Variants in NEDD9 observed in about 807,000 individuals in gnomAD.
NEDD9 encodes the protein enhancer of filamentation 1.
A neutral mutation model predicts 76.6 loss-of-function variants in NEDD9; 26 were observed. The ratio of observed to expected loss-of-function variants is 0.34; its 90% CI spans 0.25 to 0.47. The LOEUF is 0.47. NEDD9 is among the 20% of genes least tolerant of loss of function. The pLI is 1.00. For synonymous variants in NEDD9, 392 were observed against 414.2 expected (o/e 0.95, Z 0.65); for missense variants, 937 against 1,058.5 (o/e 0.89, Z 1.59).
chr6:11,230,662 A>C (rs1759442268), intron 1 of NEDD9, among the ~76,000 whole-genome samples: 2 of 152,236 alleles, frequency 1.3e-5, no homozygotes, highest in African/African-American at 4.8e-5. Context: ...CATAGGGCAT[A>C]AGTCATGTGT....
At chr6:11,203,591 C>A (rs2113740787) in intron 2 of NEDD9, among the ~76,000 whole-genome samples, 1 of 152,336 alleles carries the variant, frequency 6.6e-6, no homozygotes, top group South Asian at 2.1e-4. Flanking sequence ...CCAGAGACAA[C>A]AGGCCTAAAA....
rs115971752 is a variant in NEDD9, at chr6:11,353,762, A to G, written c.-213-19201T>C. On this transcript the variant is annotated intron_variant, in intron 1 of 3. Coordinates refer to the NEDD9 transcript ENST00000397378. ...ACCTGGTGACTCAAATTAGAGATGT[A>G]TTACATGATTATATAGAAATTGAAA... is the stretch of plus-strand genomic sequence containing the variant. Among the ~76,000 whole-genome samples, 1,313 of 152,362 alleles carry G rather than the reference A, an allele frequency of 8.6e-3. 7 individuals are homozygous for G. The highest frequency in any genetic ancestry group is 0.016 in the Non-Finnish European group (1,057 of 68,036).
chr6:11,197,102 G>T (rs1332211405), intron 2 of NEDD9, among the ~76,000 whole-genome samples: 1 of 152,098 alleles, frequency 6.6e-6, no homozygotes, highest in African/African-American at 2.4e-5. Context: ...GCACACCAAG[G>T]TCTGGTTAAG....
intron 3 of NEDD9, among the ~76,000 whole-genome samples, chr6:11,294,006 A>T (rs1033648961): frequency 6.6e-6 from 1 of 150,954 alleles, no homozygotes; most frequent in Non-Finnish European, 1.5e-5. Flanking sequence ...CCATTGTGTA[A>T]GTGTGTGTGT....
intron 2 of NEDD9, among the ~76,000 whole-genome samples, chr6:11,203,673 T>G (rs1570374): frequency 0.32 from 49,146 of 152,046 alleles, 8,194 homozygotes; most frequent in Middle Eastern, 0.48. Flanking sequence ...ATGAAGTGCT[T>G]TCTTAGCTCT....
At chr6:11,286,259 A>G (rs1216633091) in intron 3 of NEDD9, among the ~76,000 whole-genome samples, 3 of 152,228 alleles carry the variant, frequency 2.0e-5, no homozygotes, top group African/African-American at 7.2e-5. Flanking sequence ...ATCATTAGTC[A>G]TTAGAGAAAT....
intron 2 of NEDD9, among the ~76,000 whole-genome samples, chr6:11,330,869 C>T (rs977478507): frequency 6.6e-6 from 1 of 152,176 alleles, no homozygotes; most frequent in Non-Finnish European, 1.5e-5. Flanking sequence ...CAAGTAAGCA[C>T]CTTGTTGTTA....
chr6:11,336,859 C>T (rs1257802281), intron 1 of NEDD9, among the ~76,000 whole-genome samples: 1 of 152,184 alleles, frequency 6.6e-6, no homozygotes, highest in Non-Finnish European at 1.5e-5. Flanking sequence ...TGCTGTCTTC[C>T]ACCTCCACAT....
chr6:11,340,478 T>C (rs1762250293), intron 1 of NEDD9, among the ~76,000 whole-genome samples: 1 of 152,206 alleles, frequency 6.6e-6, no homozygotes. Context: ...TGACAGGAAT[T>C]ATCTCATTTA....
intron 2 of NEDD9, among the ~76,000 whole-genome samples, 168 bp from the exon 3 acceptor site, chr6:11,193,860 CTTTTT>C (rs772630193): frequency 1.4e-5 from 2 of 141,372 alleles, no homozygotes; most frequent in African/African-American, 5.2e-5. Flanking sequence ...CGTTAGTAAA[CTTTTT>C]TTTTTTTTTT....
chr6:11,339,654 G>A (rs1458142726), intron 1 of NEDD9, among the ~76,000 whole-genome samples: 3 of 152,198 alleles, frequency 2.0e-5, no homozygotes, highest in Non-Finnish European at 2.9e-5. Flanking sequence ...GATGAAATGT[G>A]AGACAACATT....
Position 11,237,759 on chromosome 6 carries a change from T to C in NEDD9, c.13-24032A>G, listed in dbSNP as rs1447968540. On this transcript the variant is annotated intron_variant, in intron 3 of 3. Coordinates refer to the NEDD9 transcript ENST00000397378. This position sits in a 1 kb window ranked among gnomAD's most constrained non-coding sequence, Gnocchi z 4.9. ...CCGAAGAAGAAAAAGTATTATTTGG[T>C]TGTCTCTAGAAGTTTGCCGACCCAC... 6.6e-6 allele frequency among the ~76,000 whole-genome samples: 1 copy of C among 152,042 alleles called. No individual in the cohort carries two copies. Among genetic ancestry groups the C allele is most frequent in the African/African-American group, 2.4e-5 (1 of 41,378 alleles).
intron 2 of NEDD9, among the ~76,000 whole-genome samples, chr6:11,315,507 A>C (rs1448447892): frequency 6.6e-6 from 1 of 152,252 alleles, no homozygotes; most frequent in African/African-American, 2.4e-5. Context: ...TTGTCAGGCC[A>C]TGCCAAAGAA....
chr6:11,262,763 G>T (rs1338324120), intron 3 of NEDD9, among the ~76,000 whole-genome samples: 1 of 152,230 alleles, frequency 6.6e-6, no homozygotes, highest in Non-Finnish European at 1.5e-5. Context: ...TAAATACATG[G>T]AAAATGGGTA....
chr6:11,350,504 C>A (rs1762445404), intron 1 of NEDD9, among the ~76,000 whole-genome samples: 2 of 152,216 alleles, frequency 1.3e-5, no homozygotes, highest in East Asian at 1.9e-4. Context: ...AAAGGCCAGG[C>A]AGACCTGGGC....
intron 1 of NEDD9, 36 bp downstream of exon 1, chr6:11,232,468 A>C (rs1759507963): frequency 6.2e-7 from 1 of 1,613,892 alleles, no homozygotes; most frequent in Admixed American, 1.7e-5. Flanking sequence ...CACAGCTTTC[A>C]GCTTGCAAGG....
At position 11,302,688 on chromosome 6, in the gene NEDD9, C is replaced by T. The variant is rs149165260; in HGVS notation, c.12+3304G>A. ...CACCACGATCACATTGGCTACATCC[C>T]TGGGATGCAAGGCTGGTTCAACATA... On this transcript the variant is annotated intron_variant, in intron 3 of 3. Coordinates refer to the NEDD9 transcript ENST00000397378. Among the ~76,000 whole-genome samples, 1,057 of 152,300 alleles carry T rather than the reference C, an allele frequency of 6.9e-3. 6 individuals are homozygous for T. Among genetic ancestry groups the T allele is most frequent in the Non-Finnish European group, 0.011 (725 of 68,028 alleles).
rs932875618 is a variant in NEDD9, at chr6:11,269,588, C to CT, written c.12+36403dup. ...GGGCCATGCACTCAATTAAATAACT[C>CT]TTTTTTTTTCTTTCTGGTGATTTCT... On this transcript the variant is annotated intron_variant, in intron 3 of 3. Transcript: ENST00000397378. 6.5e-4 allele frequency among the ~76,000 whole-genome samples: 96 copies of CT among 148,834 alleles called. 1 individual carries two copies. The highest frequency in any genetic ancestry group is 2.8e-3 in the East Asian group (10 of 3,548).
intron 3 of NEDD9, among the ~76,000 whole-genome samples, chr6:11,295,982 G>C (rs1398127897): frequency 1.3e-5 from 2 of 152,162 alleles, no homozygotes; most frequent in African/African-American, 2.4e-5. Flanking sequence ...ACTGTGTTTA[G>C]AGATAGGGTC....
Sources: allele counts gnomAD v4.1 joint callset (sites outside exome capture counted in the v4.1 genomes callset), GRCh38; gene constraint gnomAD v4.1.1; non-coding constraint Gnocchi (gnomAD v3.1); transcripts MANE v1.5; gene names NCBI Gene and HGNC (gene_info 2026-07-23, HGNC 2026-07-21).